Variants in CTNNA3 observed in about 807,000 individuals in gnomAD.
CTNNA3 encodes the protein catenin alpha 3, also known as catenin alpha-3.
A neutral mutation model predicts 95.7 loss-of-function variants in CTNNA3; 76 were observed. The observed-to-expected ratio is 0.79, with a 90% CI of 0.66 to 0.96. CTNNA3 has a LOEUF of 0.96. Ranked by LOEUF, CTNNA3 falls within the 40% of genes least tolerant of loss-of-function variation. CTNNA3 has a pLI of 0.00. For missense variants in CTNNA3, 1,191 were observed against 1,089.8 expected (o/e 1.09, Z -1.31); for synonymous variants, 431 against 374.4 (o/e 1.15, Z -1.74).
chr10:66,400,348 T>C (rs1177856459), intron 11 of CTNNA3, among the ~76,000 whole-genome samples: 1 of 152,094 alleles, frequency 6.6e-6, no homozygotes, highest in Admixed American at 6.6e-5. Context: ...TTGCTTTTTA[T>C]GTAACTTAAA....
intron 15 of CTNNA3, among the ~76,000 whole-genome samples, chr10:66,067,062 AT>A: frequency 6.6e-6 from 1 of 152,066 alleles, no homozygotes; most frequent in Non-Finnish European, 1.5e-5. Flanking sequence ...TTTTTCTCTG[AT>A]TTTTTTCTGT....
intron 2 of CTNNA3, among the ~76,000 whole-genome samples, chr10:67,615,341 T>A (rs939969598): frequency 1.3e-5 from 2 of 152,200 alleles, no homozygotes; most frequent in African/African-American, 4.8e-5. Flanking sequence ...GAGATTTACG[T>A]GTCAAACACA....
At chr10:66,089,945 A>G (rs905067896) in intron 14 of CTNNA3, among the ~76,000 whole-genome samples, 1 of 151,998 alleles carries the variant, frequency 6.6e-6, no homozygotes, top group Non-Finnish European at 1.5e-5. Context: ...CTTTTTCCTT[A>G]TAACACCATT....
rs544852495 is a variant in CTNNA3 at position 66,035,400 on chromosome 10, A to T, written c.2159+33908T>A. ...TTAGAATAACCAAATAACTAAACAAAAGTTAACAGTATTATGGTAGAAGCA... is the reference window on the plus strand; with the variant it reads ...TTAGAATAACCAAATAACTAAACAATAGTTAACAGTATTATGGTAGAAGCA... On this transcript the variant is annotated intron_variant, in intron 15 of 17. Transcript: ENST00000433211. Among the ~76,000 whole-genome samples, 49 of 152,304 alleles carry T rather than the reference A, an allele frequency of 3.2e-4. No individual in the cohort carries two copies. In the South Asian group the frequency reaches 0.01, roughly 32 times the overall value.
chr10:66,193,856 T>A (rs2086807417), intron 13 of CTNNA3, among the ~76,000 whole-genome samples: 1 of 152,108 alleles, frequency 6.6e-6, no homozygotes, highest in South Asian at 2.1e-4. Context: ...TTGAAATCAA[T>A]AAGAATTACG....
chr10:67,394,792 T>A (rs114501099), intron 5 of CTNNA3, among the ~76,000 whole-genome samples: 154 of 152,242 alleles, frequency 1.0e-3, no homozygotes, highest in African/African-American at 3.6e-3. Context: ...GTGGCATTTT[T>A]TTTTATTACT....
chr10:67,205,038 T>C (rs1439416648), intron 6 of CTNNA3, among the ~76,000 whole-genome samples: 1 of 152,226 alleles, frequency 6.6e-6, no homozygotes, highest in Non-Finnish European at 1.5e-5. Context: ...TGTTTATGTC[T>C]ACACCTTAGC....
Position 66,055,371 on chromosome 10 carries a change from T to C in CTNNA3, c.2159+13937A>G, listed in dbSNP as rs559148567. ...TCCATGAACATGAAATATATGGCCATTTTTGTGTCCCCTTCAATTTCTTTC... is the reference window on the plus strand; with the variant it reads ...TCCATGAACATGAAATATATGGCCACTTTTGTGTCCCCTTCAATTTCTTTC... On this transcript the variant is annotated intron_variant, in intron 15 of 17. Coordinates refer to ENST00000433211, the MANE Select transcript of CTNNA3 (RefSeq NM_013266.4). Among the ~76,000 whole-genome samples the C allele has an allele frequency of 8.6e-4, 131 of 152,288 alleles. 1 individual carries two copies. Among genetic ancestry groups the C allele is most frequent in the African/African-American group, 3.1e-3 (127 of 41,588 alleles).
intron 7 of CTNNA3, among the ~76,000 whole-genome samples, chr10:67,056,894 G>A (rs1855465196): frequency 1.3e-5 from 2 of 152,146 alleles, no homozygotes; most frequent in Non-Finnish European, 2.9e-5. Context: ...GAGAGAGCAA[G>A]GATTATGTGG....
chr10:67,146,370 T>G (rs1860841925), intron 7 of CTNNA3, among the ~76,000 whole-genome samples: 1 of 152,230 alleles, frequency 6.6e-6, no homozygotes, highest in African/African-American at 2.4e-5. Context: ...TATATACCTC[T>G]GCCTCTAGGA....
chr10:66,664,840 T>TA (rs1846386302), intron 9 of CTNNA3, among the ~76,000 whole-genome samples: 1 of 147,970 alleles, frequency 6.8e-6, no homozygotes, highest in Admixed American at 6.8e-5. Context: ...GACAATATTA[T>TA]AAAGCTTTGC....
intron 11 of CTNNA3, among the ~76,000 whole-genome samples, chr10:66,444,035 C>T (rs972452695): frequency 2.6e-4 from 40 of 152,026 alleles, no homozygotes; most frequent in African/African-American, 9.7e-4. Flanking sequence ...ACGCAGAAGC[C>T]TCAGGAGCCG....
intron 7 of CTNNA3, among the ~76,000 whole-genome samples, chr10:66,987,829 G>T (rs1850819466): frequency 6.6e-6 from 1 of 152,164 alleles, no homozygotes; most frequent in African/African-American, 2.4e-5. Flanking sequence ...CCAGATTTAA[G>T]ATTTAATCAG....
intron 5 of CTNNA3, among the ~76,000 whole-genome samples, chr10:67,484,864 T>C (rs1589344163): frequency 6.6e-6 from 1 of 152,224 alleles, no homozygotes; most frequent in South Asian, 2.1e-4. Context: ...TATATATTGT[T>C]GGTAGGAATG....
At chr10:66,862,566 T>C (rs1010215886) in intron 7 of CTNNA3, among the ~76,000 whole-genome samples, 18 of 152,060 alleles carry the variant, frequency 1.2e-4, no homozygotes, top group Non-Finnish European at 2.5e-4. Context: ...GAGAAGACTA[T>C]TCTAGAGAGA....
At chr10:66,416,982 A>G (rs183979412) in intron 11 of CTNNA3, among the ~76,000 whole-genome samples, 1 of 152,060 alleles carries the variant, frequency 6.6e-6, no homozygotes, top group Non-Finnish European at 1.5e-5. Flanking sequence ...AGAACAAAGA[A>G]TATACAAACC....
chr10:66,787,588 T>C (rs1302945888), intron 7 of CTNNA3, among the ~76,000 whole-genome samples: 1 of 152,170 alleles, frequency 6.6e-6, no homozygotes, highest in Non-Finnish European at 1.5e-5. Flanking sequence ...GACCAAGACC[T>C]ATCCCCTTGT....
At chr10:67,571,285 G>C (rs986245019) in intron 3 of CTNNA3, among the ~76,000 whole-genome samples, 1 of 152,064 alleles carries the variant, frequency 6.6e-6, no homozygotes, top group Admixed American at 6.6e-5. Context: ...TTATACTAAA[G>C]AAATATTTGT....
intron 5 of CTNNA3, among the ~76,000 whole-genome samples, chr10:67,483,263 C>G (rs561725826): frequency 3.4e-4 from 51 of 150,632 alleles, no homozygotes; most frequent in African/African-American, 1.2e-3. Flanking sequence ...CATCCCATTA[C>G]TGGGTATATA....
Sources: gnomAD v4.1 joint callset for allele counts (sites outside exome capture counted in the v4.1 genomes callset) on GRCh38, gnomAD v4.1.1 for gene constraint, MANE v1.5 for transcripts, NCBI Gene and HGNC (gene_info 2026-07-23, HGNC 2026-07-21) for gene names.